Variants in ADARB1 observed in about 807,000 individuals in gnomAD.
The protein encoded by ADARB1 is double-stranded RNA-specific editase 1.
Under a neutral mutation model 52.4 loss-of-function variants are expected in ADARB1, and 10 were observed. That is an observed-to-expected ratio of 0.19 (90% CI 0.12 to 0.32). The LOEUF (loss-of-function observed/expected upper bound fraction) is 0.32. Ranked by LOEUF, ADARB1 falls within the 10% of genes least tolerant of loss-of-function variation. The probability of loss-of-function intolerance (pLI) is 1.00; values close to 1 mark genes in which losing one functional copy is unlikely to be tolerated. For synonymous variants in ADARB1, 349 were observed against 371.1 expected (o/e 0.94, Z 0.68); for missense variants, 643 against 922.3 (o/e 0.70, Z 3.92).
intron 8 of ADARB1, among the ~76,000 whole-genome samples, chr21:45,199,713 TTTACTA>T (rs1409126658): frequency 1.3e-5 from 2 of 152,198 alleles, no homozygotes; most frequent in Non-Finnish European, 2.9e-5. Flanking sequence ...TCAGGAATTA[TTTACTA>T]TAACCCACAT....
chr21:45,101,199 G>A (rs889587742), intron 1 of ADARB1: 4 of 152,316 alleles, frequency 2.6e-5, no homozygotes, highest in African/African-American at 4.8e-5. Context: ...GGCTGTTAAC[G>A]ATCAGCCTCG....
intron 1 of ADARB1, among the ~76,000 whole-genome samples, chr21:45,078,628 T>G (rs1370942540): frequency 1.3e-5 from 2 of 152,168 alleles, no homozygotes; most frequent in African/African-American, 4.8e-5. Context: ...GGGAGGCCAT[T>G]GCTGCCAGAG....
At chr21:45,156,535 CCCATCAT>C (rs2090657837) in intron 2 of ADARB1, among the ~76,000 whole-genome samples, 1 of 112,336 alleles carries the variant, frequency 8.9e-6, no homozygotes, top group Non-Finnish European at 1.8e-5. Flanking sequence ...TCACCCATCA[CCCATCAT>C]CCATTCATCC....
Position 45,224,242 on chromosome 21 carries a change from C to A in ADARB1, c.*2045C>A, listed in dbSNP as rs1361419747. 1 of 985,300 alleles carries A rather than the reference C, an allele frequency of 1.0e-6. No individual in the cohort carries two copies. Among genetic ancestry groups the A allele is most frequent in the African/African-American group, 1.7e-5 (1 of 57,236 alleles). The allele number at this position is 985,300 out of a possible 1,614,324, so 61.0% of individuals were successfully genotyped here. ...AGTGTTAATATATTCCATATACATA[C>A]AAAACTACCCGGTATGTCTGGCTTT... On this transcript the variant is annotated 3_prime_UTR_variant, in exon 11 of 11. Transcript: ENST00000348831.
intron 5 of ADARB1, among the ~76,000 whole-genome samples, chr21:45,181,959 G>A (rs1181058968): frequency 6.6e-6 from 1 of 152,368 alleles, no homozygotes. Context: ...CAGTGGATGC[G>A]AGTTTCCCGG....
At position 45,134,757 on chromosome 21, in the gene ADARB1, C is replaced by A. The variant is rs767568497; in HGVS notation, c.-48+6184C>A. 3 of 532,070 alleles carry A rather than the reference C, an allele frequency of 5.6e-6. No homozygotes were observed. The Admixed American group carries it at 5.8e-5, about 10-fold the overall frequency. The allele number at this position is 532,070 out of a possible 1,614,324, so 33.0% of individuals were successfully genotyped here. A position where few individuals can be genotyped will look rare whatever the true frequency, so the allele number is the denominator to read the frequency against. ...AATGAGCACACCCTCATTCATCCAG[C>A]GAGCATTGAGGACCCCCTAGAGGCC... On this transcript the variant is annotated intron_variant, in intron 2 of 10. Transcript: ENST00000348831.
chr21:45,191,282 T>C (rs759404368), intron 8 of ADARB1, among the ~76,000 whole-genome samples: 1 of 152,266 alleles, frequency 6.6e-6, no homozygotes, highest in Admixed American at 6.5e-5. Context: ...TCTTTTGTTA[T>C]ACCAGTGTTA....
intron 2 of ADARB1, among the ~76,000 whole-genome samples, chr21:45,143,378 C>T (rs1223447506): frequency 1.3e-5 from 2 of 152,248 alleles, no homozygotes; most frequent in Admixed American, 6.5e-5. Flanking sequence ...TCAGCAGCTC[C>T]TTCCTTCCAG....
At chr21:45,148,909 C>G (rs1032632780) in intron 2 of ADARB1, among the ~76,000 whole-genome samples, 1 of 152,232 alleles carries the variant, frequency 6.6e-6, no homozygotes, top group Non-Finnish European at 1.5e-5. Context: ...TGAGGTAGGG[C>G]TGTGACTGTC....
intron 8 of ADARB1, among the ~76,000 whole-genome samples, chr21:45,189,194 T>G (rs1184426160): frequency 6.6e-6 from 1 of 151,526 alleles, no homozygotes; most frequent in African/African-American, 2.4e-5. Flanking sequence ...GATTCTCATT[T>G]ATTTTATTTT....
At chr21:45,211,223 C>A (rs1228293774) in intron 9 of ADARB1, among the ~76,000 whole-genome samples, 2 of 152,164 alleles carry the variant, frequency 1.3e-5, no homozygotes, top group Non-Finnish European at 2.9e-5. Context: ...CAAGGGCTGC[C>A]CTTAAGACGA....
intron 2 of ADARB1, among the ~76,000 whole-genome samples, chr21:45,144,091 C>A (rs1034343513): frequency 2.6e-5 from 4 of 152,208 alleles, no homozygotes; most frequent in Non-Finnish European, 5.9e-5. Context: ...ATATTTGCTA[C>A]TTTTCTTATT....
At chr21:45,094,761 C>G (rs1601306407) in intron 1 of ADARB1, among the ~76,000 whole-genome samples, 1 of 151,972 alleles carries the variant, frequency 6.6e-6, no homozygotes, top group South Asian at 2.1e-4. Context: ...GAGACATGGT[C>G]CTTGCTTTCA....
chr21:45,115,420 G>A (rs1025229605), intron 1 of ADARB1, among the ~76,000 whole-genome samples: 2 of 152,226 alleles, frequency 1.3e-5, no homozygotes, highest in African/African-American at 2.4e-5. Flanking sequence ...GGCATTAGCC[G>A]GTCAGGGCGA....
intron 5 of ADARB1, 105 bp downstream of exon 5, chr21:45,180,549 T>G: frequency 1.1e-6 from 1 of 915,262 alleles, no homozygotes; most frequent in South Asian, 1.5e-5. Context: ...CGGGAGATGG[T>G]TACTTCTTTT....
In ADARB1 at chr21:45,220,228, A is replaced by T. The variant is rs992612167; in HGVS notation, c.1748-608A>T. Reference sequence around the variant, plus strand: ...TTGGTGCCAAAAAATTTTGAAATCCATGAGGTTTTTTCATAATAAGCATTT... The same window carrying T: ...TTGGTGCCAAAAAATTTTGAAATCCTTGAGGTTTTTTCATAATAAGCATTT... On this transcript the variant is annotated intron_variant, in intron 9 of 10. Transcript: ENST00000348831. The surrounding 1 kb of genome is among the most constrained non-coding windows in gnomAD (Gnocchi z 6.3). Among the ~76,000 whole-genome samples the T allele has an allele frequency of 2.0e-5, 3 of 152,166 alleles. No individual in the cohort carries two copies. The highest frequency in any genetic ancestry group is 6.5e-5 in the Admixed American group (1 of 15,282).
intron 2 of ADARB1, among the ~76,000 whole-genome samples, chr21:45,161,163 G>A (rs538105475): frequency 6.6e-6 from 1 of 152,320 alleles, no homozygotes; most frequent in Non-Finnish European, 1.5e-5. Flanking sequence ...CTGCAGCGGG[G>A]GAGGCTAGGG....
At chr21:45,082,980 C>T (rs1403250060) in intron 1 of ADARB1, among the ~76,000 whole-genome samples, 3 of 152,258 alleles carry the variant, frequency 2.0e-5, no homozygotes, top group Non-Finnish European at 4.4e-5. Context: ...GTCTTGGGGC[C>T]TATAGCTAGC....
At chr21:45,191,284 C>T (rs1216844423) in intron 8 of ADARB1, among the ~76,000 whole-genome samples, 3 of 152,154 alleles carry the variant, frequency 2.0e-5, no homozygotes, top group Admixed American at 1.3e-4. Flanking sequence ...TTTTGTTATA[C>T]CAGTGTTATT....
Sources: allele counts gnomAD v4.1 joint callset (sites outside exome capture counted in the v4.1 genomes callset), GRCh38; gene constraint gnomAD v4.1.1; non-coding constraint Gnocchi (gnomAD v3.1); transcripts MANE v1.5; gene names NCBI Gene and HGNC (gene_info 2026-07-23, HGNC 2026-07-21).